Variants in CFAP44 observed in about 807,000 individuals in gnomAD.
CFAP44 encodes the protein cilia and flagella associated protein 44, also known as cilia- and flagella-associated protein 44.
CFAP44 carries 134 observed loss-of-function variants against 216.2 expected under a neutral mutation model. The observed-to-expected ratio is 0.62, with a 90% CI of 0.54 to 0.72. The LOEUF (loss-of-function observed/expected upper bound fraction) is 0.72, where lower values mean the gene tolerates loss of function less well. CFAP44 is among the 30% of genes least tolerant of loss of function. The pLI is 0.00. For missense variants in CFAP44, 2,035 were observed against 2,182.1 expected (o/e 0.93, Z 1.34); for synonymous variants, 700 against 727.6 (o/e 0.96, Z 0.61).
chr3:113,419,456 A>T (rs2107391554), intron 5 of CFAP44, among the ~76,000 whole-genome samples: 1 of 152,340 alleles, frequency 6.6e-6, no homozygotes, highest in Admixed American at 6.5e-5. Context: ...GAACTTATTA[A>T]TTAGTCTTAT....
At chr3:113,328,574 T>C (rs1950208972) in intron 26 of CFAP44, among the ~76,000 whole-genome samples, 1 of 151,478 alleles carries the variant, frequency 6.6e-6, no homozygotes, top group Admixed American at 6.6e-5. Flanking sequence ...AATTAGTTTG[T>C]ACATGATAGG....
chr3:113,354,637 G>A (rs886970465), intron 22 of CFAP44, among the ~76,000 whole-genome samples: 8 of 152,080 alleles, frequency 5.3e-5, no homozygotes, highest in African/African-American at 1.2e-4. Flanking sequence ...AGCAAGTCCC[G>A]CCCAAGGAGA....
intron 18 of CFAP44, among the ~76,000 whole-genome samples, chr3:113,368,651 G>A (rs1251188320): frequency 2.6e-5 from 4 of 152,134 alleles, no homozygotes; most frequent in Admixed American, 2.6e-4. Flanking sequence ...AAATTGTAAA[G>A]AACATCAAGG....
At chr3:113,405,631 G>A (rs1934255980) in intron 8 of CFAP44, among the ~76,000 whole-genome samples, 1 of 152,056 alleles carries the variant, frequency 6.6e-6, no homozygotes, top group African/African-American at 2.4e-5. Flanking sequence ...CAACATAAAT[G>A]GTTAATTCCA....
intron 23 of CFAP44, 141 bp downstream of exon 23, chr3:113,344,375 C>T (rs1175982945): frequency 6.9e-6 from 5 of 724,346 alleles, no homozygotes; most frequent in South Asian, 1.9e-5. Context: ...TTATTTACTC[C>T]AAAGAAAACC....
intron 34 of CFAP44, 41 bp from the exon 35 acceptor site, chr3:113,291,789 C>A: frequency 6.5e-7 from 1 of 1,531,648 alleles, no homozygotes; most frequent in Non-Finnish European, 8.7e-7. Flanking sequence ...CATCATTTGG[C>A]ATGTGAAAAA....
chr3:113,348,177 G>A (rs892524008), intron 22 of CFAP44, among the ~76,000 whole-genome samples: 3 of 151,972 alleles, frequency 2.0e-5, no homozygotes, highest in African/African-American at 7.3e-5. Flanking sequence ...CAGGGTCCAG[G>A]GACCATTGCA....
Position 113,291,492 on chromosome 3 carries a change from T to C in CFAP44, c.*65A>G. The C allele has an allele frequency of 1.3e-6, 2 of 1,489,334 alleles. No homozygotes were observed. Among genetic ancestry groups the C allele is most frequent in the African/African-American group, 1.4e-5 (1 of 72,010 alleles). The allele number at this position is 1,489,334 out of a possible 1,614,324, so 92.3% of individuals were successfully genotyped here. ...AAAGTAATAAGATTGTTGGAGGTGA[T>C]GAGGAGACAGAACTTCCAGTGAGTT... On this transcript the variant is annotated 3_prime_UTR_variant, in exon 35 of 35. Transcript: ENST00000393845.
At chr3:113,321,048 T>G (rs535503144) in intron 28 of CFAP44, among the ~76,000 whole-genome samples, 8 of 152,258 alleles carry the variant, frequency 5.3e-5, no homozygotes, top group African/African-American at 1.9e-4. Context: ...ATATCAAAAT[T>G]TTTTGGCAGA....
chr3:113,317,476 C>T (rs996605385), intron 28 of CFAP44, among the ~76,000 whole-genome samples: 58 of 152,322 alleles, frequency 3.8e-4, no homozygotes, highest in Admixed American at 2.8e-3. Flanking sequence ...CATGCCTCAC[C>T]GCCCTGCAGG....
At chr3:113,325,845 T>C (rs1294306598) in intron 28 of CFAP44, among the ~76,000 whole-genome samples, 5 of 152,328 alleles carry the variant, frequency 3.3e-5, no homozygotes, top group Admixed American at 1.3e-4. Context: ...GACTGTAGTA[T>C]TGGTGAAAAT....
chr3:113,344,622 A>T lies in CFAP44; in HGVS notation c.3156T>A (p.Ser1052=). ...KISSYRLVQP[S]KYSKFKRASQ... is the part of the protein sequence containing the mutation. ...TAGCTCGTTTGAATTTGGAGTACTT[A>T]GAGGGCTGCACCAGCCTGTAAGAGG... The change falls in exon 23 of 35, where the codon TCT becomes TCA. Residue 1052 remains serine (S), a synonymous_variant. Coordinates refer to ENST00000393845, the MANE Select transcript of CFAP44 (RefSeq NM_001164496.2). 1 of 1,537,124 alleles carries T rather than the reference A, an allele frequency of 6.5e-7. No homozygotes were observed. Among genetic ancestry groups the T allele is most frequent in the East Asian group, 2.4e-5 (1 of 40,894 alleles).
At chr3:113,303,103 T>C (rs1195108782) in intron 32 of CFAP44, among the ~76,000 whole-genome samples, 1 of 152,192 alleles carries the variant, frequency 6.6e-6, no homozygotes, top group African/African-American at 2.4e-5. Context: ...GATGACAATA[T>C]GGAGCCTGGG....
chr3:113,415,491 T>A (rs968086104), intron 6 of CFAP44, among the ~76,000 whole-genome samples: 1 of 152,214 alleles, frequency 6.6e-6, no homozygotes, highest in Non-Finnish European at 1.5e-5. Context: ...CTTTTTGATG[T>A]GGGTATTTAG....
chr3:113,402,877 T>C (rs946908634), intron 9 of CFAP44, among the ~76,000 whole-genome samples: 1 of 152,194 alleles, frequency 6.6e-6, no homozygotes. Flanking sequence ...CTTGGAAAGA[T>C]AGCAAATATA....
intron 2 of CFAP44, chr3:113,429,025 G>A (rs1935034740): frequency 6.6e-6 from 1 of 151,994 alleles, no homozygotes; most frequent in Non-Finnish European, 1.5e-5. Flanking sequence ...CTATAAGAAA[G>A]CCTACAAATG....
intron 19 of CFAP44, among the ~76,000 whole-genome samples, chr3:113,364,124 G>C (rs1208399883): frequency 6.6e-6 from 1 of 152,038 alleles, no homozygotes; most frequent in Non-Finnish European, 1.5e-5. Context: ...AAATTTGGGG[G>C]AACTAAAAAG....
At chr3:113,312,848 T>C (rs1344114149) in intron 28 of CFAP44, among the ~76,000 whole-genome samples, 1 of 152,122 alleles carries the variant, frequency 6.6e-6, no homozygotes, top group African/African-American at 2.4e-5. Flanking sequence ...AATTCAGGTT[T>C]GGGAACCTCC....
intron 28 of CFAP44, among the ~76,000 whole-genome samples, chr3:113,320,263 T>C (rs570097655): frequency 6.6e-6 from 1 of 151,598 alleles, no homozygotes; most frequent in South Asian, 2.1e-4. Flanking sequence ...TCAATATATA[T>C]AGATCTATAT....
Sources: allele counts gnomAD v4.1 joint callset (sites outside exome capture counted in the v4.1 genomes callset), GRCh38; gene constraint gnomAD v4.1.1; transcripts MANE v1.5; gene names NCBI Gene and HGNC (gene_info 2026-07-23, HGNC 2026-07-21).